The following MTMR3 variants were observed in gnomAD, a reference collection of about 807,000 sequenced individuals.
MTMR3 encodes the protein myotubularin related protein 3.
In MTMR3, 32 loss-of-function variants were observed where a neutral mutation model predicts 132.4. That is an observed-to-expected ratio of 0.24 (90% CI 0.18 to 0.32). The LOEUF (loss-of-function observed/expected upper bound fraction) is 0.32, where lower values mean the gene tolerates loss of function less well. MTMR3 is among the 10% of genes least tolerant of loss of function. The pLI is 1.00. For synonymous variants in MTMR3, 556 were observed against 550.3 expected (o/e 1.01, Z -0.14); for missense variants, 1,216 against 1,489.6 (o/e 0.82, Z 3.02).
chr22:29,954,059 C>CTTTTTTTTTTTTTT lies in MTMR3; in HGVS notation c.-137-2966_-137-2953dup, dbSNP rs59781649. ...CCCTTTTTTTTTCTTTCAAATGAGT[C>CTTTTTTTTTTTTTT]TTTTTTTTTTTTTTTTTTTTTTTTG... On this transcript the variant is annotated intron_variant, in intron 1 of 19. Transcript: ENST00000401950. Among the ~76,000 whole-genome samples, 83 of 79,424 alleles carry CTTTTTTTTTTTTTT rather than the reference C, an allele frequency of 1.0e-3. 4 individuals are homozygous for CTTTTTTTTTTTTTT. The highest frequency in any genetic ancestry group is 4.2e-3 in the African/African-American group (79 of 18,926). The allele number at this position is 79,424 out of a possible 152,430, so 52.1% of individuals were successfully genotyped here. A position where few individuals can be genotyped will look rare whatever the true frequency, so the allele number is the denominator to read the frequency against.
intron 1 of MTMR3, among the ~76,000 whole-genome samples, chr22:29,949,560 T>C (rs1409478886): frequency 1.5e-5 from 2 of 137,188 alleles, no homozygotes; most frequent in Non-Finnish European, 3.1e-5. Flanking sequence ...AACACACACA[T>C]TCCACATTTC....
chr22:29,974,426 A>G lies in MTMR3; in HGVS notation c.3+3364A>G, dbSNP rs573080281. On this transcript the variant is annotated intron_variant, in intron 3 of 19. Transcript: ENST00000401950. ...AATGCATTTTTGTGTACAAGGGGAG[A>G]AAAGTTCTGAAGCTTTACAGGTAAT... Among the ~76,000 whole-genome samples, 7 of 152,338 alleles carry G rather than the reference A, an allele frequency of 4.6e-5. No homozygotes were observed. The South Asian group carries it at 1.2e-3, about 27-fold the overall frequency.
intron 8 of MTMR3, chr22:30,002,672 G>T (rs1424404013): frequency 2.3e-5 from 11 of 487,382 alleles, no homozygotes; most frequent in Non-Finnish European, 4.1e-5. Flanking sequence ...AACATTTAAG[G>T]CAACAAAACA....
chr22:29,990,358 G>T (rs1456437585), intron 6 of MTMR3: 1 of 152,166 alleles, frequency 6.6e-6, no homozygotes, highest in Non-Finnish European at 1.5e-5. Context: ...TAAATATTAT[G>T]TGTTGGCATA....
chr22:29,986,493 GGTTT>G (rs995651361), intron 5 of MTMR3: 9 of 719,566 alleles, frequency 1.3e-5, no homozygotes, highest in Admixed American at 7.4e-5. Flanking sequence ...ATAAATTGTA[GGTTT>G]GTTTGTTTTT....
At position 30,012,542 on chromosome 22, in the gene MTMR3, C is replaced by T. The variant is rs748514307; in HGVS notation, c.1296C>T (p.Asp432=). ...QIVALAKLLL[D]PYYRTIEGFQ... ...TGGCATTGGCTAAGCTCTTGCTGGA[C>T]CCTTATTACCGAACCATAGAGGTGA... Residue 432 remains aspartate, a synonymous_variant, in exon 13 of 20, where the codon GAC becomes GAT. Transcript: ENST00000401950. The T allele has an allele frequency of 1.2e-6, 2 of 1,612,206 alleles. No individual in the cohort carries two copies. Among genetic ancestry groups the T allele is most frequent in the Middle Eastern group, 1.8e-4 (1 of 5,680 alleles).
chr22:30,022,063 A>G lies in MTMR3; in HGVS notation c.3260A>G (p.Gln1087Arg), dbSNP rs2067772372. The part of the protein sequence containing the change: ...SIPDSESNLD[Q>R]NCLSRCSTEI... Reference sequence around the variant, plus strand: ...CCCGACTCGGAAAGCAATCTGGATCAGAACTGTTTGTCTCGCTGCAGCACA... The same window carrying G: ...CCCGACTCGGAAAGCAATCTGGATCGGAACTGTTTGTCTCGCTGCAGCACA... Residue 1087 changes from glutamine (Q) to arginine (R), a missense_variant, in exon 18 of 20, where the codon CAG becomes CGG. By Grantham distance (43) the Gln-to-Arg change is conservative (BLOSUM62 1). This residue lies in a region of MTMR3 where 852 missense variants were observed against 852.0 expected (regional missense o/e 1.00). Transcript: ENST00000401950. 1 of 1,614,246 alleles carries G rather than the reference A, an allele frequency of 6.2e-7. No individual in the cohort carries two copies. Among genetic ancestry groups the G allele is most frequent in the Non-Finnish European group, 8.5e-7 (1 of 1,180,038 alleles).
At chr22:29,953,085 C>T (rs910675990) in intron 1 of MTMR3, among the ~76,000 whole-genome samples, 1 of 152,142 alleles carries the variant, frequency 6.6e-6, no homozygotes, top group African/African-American at 2.4e-5. Context: ...GTAAAAAAAT[C>T]TATTTTAACA....
In MTMR3 at chr22:30,022,619, G is replaced by A. The variant is rs778890653; in HGVS notation, c.3347G>A (p.Trp1116Ter). The A allele has an allele frequency of 6.2e-7, 1 of 1,613,034 alleles. No homozygotes were observed. Among genetic ancestry groups the A allele is most frequent in the Non-Finnish European group, 8.5e-7 (1 of 1,179,972 alleles). ...VDKQDTEMTR[W>*]LPDHLAAHCY... ...CCATCTGTTTTGCAGATGACCCGTT[G>A]GCTTCCTGACCACCTGGCCGCCCAC... is the stretch of plus-strand genomic sequence containing the variant. The change falls in exon 19 of 20, where the codon TGG becomes TAG. Residue 1116 changes from tryptophan (W) to a stop codon, truncating the protein, a stop_gained. Transcript: ENST00000401950. LOFTEE classifies it high-confidence loss of function.
At chr22:29,963,748 T>TG (rs1403366721) in intron 2 of MTMR3, among the ~76,000 whole-genome samples, 1 of 152,058 alleles carries the variant, frequency 6.6e-6, no homozygotes, top group Non-Finnish European at 1.5e-5. Context: ...ATTCTGTTTA[T>TG]TCATCCATCT....
At chr22:29,994,052 T>G in intron 7 of MTMR3, 1 of 935,946 alleles carries the variant, frequency 1.1e-6, no homozygotes, top group Non-Finnish European at 1.3e-6. Flanking sequence ...CTGCCCAGGC[T>G]GATCCAGGTA....
In MTMR3 at chr22:29,991,657, C is replaced by T; in HGVS notation, c.447C>T (p.Asp149=). 1 of 1,607,152 alleles carries T rather than the reference C, an allele frequency of 6.2e-7. No individual in the cohort carries two copies. Among genetic ancestry groups the T allele is most frequent in the South Asian group, 1.1e-5 (1 of 90,050 alleles). The change falls in exon 7 of 20, where the codon GAC becomes GAT. Residue 149 remains aspartate, a synonymous_variant. Coordinates refer to ENST00000401950, the MANE Select transcript of MTMR3 (RefSeq NM_021090.4). ...VYASEKEQHG[D]LCRPGEHVTS... The stretch of plus-strand genomic sequence containing the variant: ...CCAGTGAAAAAGAGCAACATGGAGA[C>T]CTGTGCAGACCAGGTACGCCTTTCT...
chr22:29,953,560 T>TC (rs1442252379), intron 1 of MTMR3, among the ~76,000 whole-genome samples: 1 of 152,098 alleles, frequency 6.6e-6, no homozygotes, highest in Non-Finnish European at 1.5e-5. Context: ...TTGTGTTAGG[T>TC]CCCCCTCTCC....
At chr22:29,888,265 G>C (rs927632898) in intron 1 of MTMR3, among the ~76,000 whole-genome samples, 1 of 151,874 alleles carries the variant, frequency 6.6e-6, no homozygotes, top group Middle Eastern at 3.2e-3. Flanking sequence ...GGCTGGTCTT[G>C]AACTCCTGGG....
chr22:29,895,526 C>T (rs778826568), intron 1 of MTMR3, among the ~76,000 whole-genome samples: 2 of 152,130 alleles, frequency 1.3e-5, no homozygotes, highest in East Asian at 1.9e-4. Flanking sequence ...AGTCGGTTGG[C>T]GAGTGGTTAG....
chr22:29,939,555 A>C (rs2065814689), intron 1 of MTMR3, among the ~76,000 whole-genome samples: 1 of 152,236 alleles, frequency 6.6e-6, no homozygotes, highest in Non-Finnish European at 1.5e-5. Flanking sequence ...GGTGAAATTG[A>C]GCACTGACTT....
intron 7 of MTMR3, chr22:29,996,531 T>C (rs2067063150): frequency 6.6e-6 from 1 of 151,924 alleles, no homozygotes; most frequent in Non-Finnish European, 1.5e-5. Flanking sequence ...ATCATTAATG[T>C]ACAGTTCAAG....
chr22:29,956,392 G>A (rs1481064031), intron 1 of MTMR3, among the ~76,000 whole-genome samples: 1 of 151,982 alleles, frequency 6.6e-6, no homozygotes, highest in Non-Finnish European at 1.5e-5. Context: ...GATCACAGGC[G>A]CATGCCACCA....
chr22:29,955,844 C>CGG (rs540181568), intron 1 of MTMR3, among the ~76,000 whole-genome samples: 57 of 152,248 alleles, frequency 3.7e-4, no homozygotes, highest in Non-Finnish European at 7.5e-4. Flanking sequence ...CTCCACCTCC[C>CGG]GGGTTTGAGT....
Sources: allele counts gnomAD v4.1 joint callset (sites outside exome capture counted in the v4.1 genomes callset), GRCh38; gene constraint gnomAD v4.1.1; regional missense constraint gnomAD v4.1.1; transcripts MANE v1.5; gene names NCBI Gene and HGNC (gene_info 2026-07-23, HGNC 2026-07-21).